Variants in MGAT5 observed in about 807,000 individuals in gnomAD.
MGAT5 encodes alpha-1,6-mannosylglycoprotein 6-beta-N-acetylglucosaminyltransferase.
Under a neutral mutation model 94.3 loss-of-function variants are expected in MGAT5, and 30 were observed. The ratio of observed to expected loss-of-function variants is 0.32; its 90% CI spans 0.24 to 0.43. The LOEUF is 0.43. Ranked by LOEUF, MGAT5 falls within the 20% of genes least tolerant of loss-of-function variation. MGAT5 has a pLI of 1.00. For missense variants in MGAT5, 691 were observed against 905.5 expected, an observed-to-expected ratio of 0.76 and a Z score of 3.04; for synonymous variants, 310 against 322.9, an observed-to-expected ratio of 0.96 and a Z score of 0.43.
At chr2:134,398,844 C>T (rs1028797320) in intron 10 of MGAT5, among the ~76,000 whole-genome samples, 4 of 152,150 alleles carry the variant, frequency 2.6e-5, no homozygotes, top group Non-Finnish European at 4.4e-5. Context: ...GTTCTCACTC[C>T]TATGTAGGAG....
intron 1 of MGAT5, among the ~76,000 whole-genome samples, chr2:134,265,833 T>C (rs1261670596): frequency 1.3e-5 from 2 of 152,180 alleles, no homozygotes; most frequent in Non-Finnish European, 1.5e-5. Context: ...CTATAGAAAT[T>C]ATTTGTACAG....
intron 14 of MGAT5, among the ~76,000 whole-genome samples, chr2:134,439,275 T>C (rs1165943357): frequency 1.3e-5 from 2 of 152,204 alleles, no homozygotes; most frequent in Non-Finnish European, 2.9e-5. Flanking sequence ...TTCAGACTGT[T>C]AGGTATTTTG....
At chr2:134,190,786 C>G (rs1350411308) in intron 1 of MGAT5, among the ~76,000 whole-genome samples, 1 of 152,140 alleles carries the variant, frequency 6.6e-6, no homozygotes, top group Non-Finnish European at 1.5e-5. Context: ...GCTAGGACTA[C>G]AGGTGCATGC....
At chr2:134,333,806 G>A (rs1447873553) in intron 4 of MGAT5, among the ~76,000 whole-genome samples, 4 of 152,136 alleles carry the variant, frequency 2.6e-5, no homozygotes, top group Non-Finnish European at 5.9e-5. Flanking sequence ...TTTGAGAGCT[G>A]TTTGTTTCAG....
At chr2:134,392,890 C>G (rs995373045) in intron 10 of MGAT5, among the ~76,000 whole-genome samples, 12 of 11,084 alleles carry the variant, frequency 1.1e-3, no homozygotes, top group African/African-American at 1.5e-3. Flanking sequence ...GCATCTAGGA[C>G]AGAAAGCCCT....
At chr2:134,311,339 C>G (rs1686642983) in intron 2 of MGAT5, among the ~76,000 whole-genome samples, 1 of 152,066 alleles carries the variant, frequency 6.6e-6, no homozygotes, top group Non-Finnish European at 1.5e-5. Flanking sequence ...CTGTCCAGAA[C>G]TAGATAAAAA....
At chr2:134,345,475 G>A (rs1688869270) in intron 8 of MGAT5, among the ~76,000 whole-genome samples, 1 of 152,226 alleles carries the variant, frequency 6.6e-6, no homozygotes, top group South Asian at 2.1e-4. Flanking sequence ...GGAAATCTGG[G>A]AATACGTTAT....
intron 2 of MGAT5, among the ~76,000 whole-genome samples, chr2:134,279,077 T>C (rs538274361): frequency 6.6e-6 from 1 of 152,218 alleles, no homozygotes; most frequent in South Asian, 2.1e-4. Context: ...GTCTGGCAAA[T>C]CACAGGTTTT....
At chr2:134,217,149 T>G (rs1680535282) in intron 1 of MGAT5, among the ~76,000 whole-genome samples, 2 of 152,046 alleles carry the variant, frequency 1.3e-5, no homozygotes, top group African/African-American at 4.8e-5. Context: ...ATGTGGTTTT[T>G]GGGTATGATT....
At chr2:134,122,886 T>G (rs2104868938) in intron 1 of MGAT5, among the ~76,000 whole-genome samples, 1 of 152,388 alleles carries the variant, frequency 6.6e-6, no homozygotes, top group South Asian at 2.1e-4. Flanking sequence ...GGCAACCGTA[T>G]GCTCCAACTG....
intron 2 of MGAT5, among the ~76,000 whole-genome samples, chr2:134,290,122 T>C (rs1017207493): frequency 7.9e-5 from 12 of 152,172 alleles, no homozygotes; most frequent in African/African-American, 2.9e-4. Flanking sequence ...AGGCAGACTG[T>C]GAGGTATTTG....
chr2:134,228,440 C>T (rs1345328369), intron 1 of MGAT5, among the ~76,000 whole-genome samples: 16 of 152,132 alleles, frequency 1.1e-4, no homozygotes, highest in Admixed American at 1.0e-3. Flanking sequence ...GTTTTTCTCC[C>T]GGATAAATAT....
chr2:134,331,014 C>G (rs1257642059), intron 4 of MGAT5, among the ~76,000 whole-genome samples: 1 of 152,068 alleles, frequency 6.6e-6, no homozygotes, highest in Non-Finnish European at 1.5e-5. Flanking sequence ...TTCTTTCCAT[C>G]TTTAAACTCC....
intron 1 of MGAT5, among the ~76,000 whole-genome samples, chr2:134,156,689 T>G (rs76111120): frequency 0.013 from 1,996 of 152,232 alleles, 42 homozygotes; most frequent in African/African-American, 0.046. Context: ...ACGAGAGAGC[T>G]CTCAGGTTTA....
chr2:134,315,033 A>G (rs1031049961), intron 2 of MGAT5, among the ~76,000 whole-genome samples: 1 of 152,216 alleles, frequency 6.6e-6, no homozygotes, highest in African/African-American at 2.4e-5. Context: ...TTTCTTTACA[A>G]AAAAAGTTTG....
intron 2 of MGAT5, among the ~76,000 whole-genome samples, chr2:134,286,212 G>A (rs1245988613): frequency 6.6e-6 from 1 of 152,122 alleles, no homozygotes; most frequent in Admixed American, 6.6e-5. Flanking sequence ...TTCAGTAGTC[G>A]TCTTCCTGAT....
At chr2:134,362,550 T>A in intron 10 of MGAT5, 142 bp downstream of exon 10, 1 of 1,097,552 alleles carries the variant, frequency 9.1e-7, no homozygotes, top group Non-Finnish European at 1.3e-6. Flanking sequence ...GTGCAAAGAT[T>A]CAGTTGCTCA....
intron 6 of MGAT5, among the ~76,000 whole-genome samples, chr2:134,341,347 G>A (rs185327177): frequency 6.6e-6 from 1 of 152,128 alleles, no homozygotes; most frequent in Non-Finnish European, 1.5e-5. Flanking sequence ...TTAAAAGGTG[G>A]AATTATCTGT....
intron 1 of MGAT5, among the ~76,000 whole-genome samples, chr2:134,182,445 A>G (rs1224392556): frequency 6.6e-6 from 1 of 152,214 alleles, no homozygotes; most frequent in Admixed American, 6.5e-5. Context: ...ATTCTGACCC[A>G]TGATGGTCTT....
Sources: gnomAD v4.1 joint callset for allele counts (sites outside exome capture counted in the v4.1 genomes callset) on GRCh38, gnomAD v4.1.1 for gene constraint, MANE v1.5 for transcripts, NCBI Gene and HGNC (gene_info 2026-07-23, HGNC 2026-07-21) for gene names.